OSBP2: variants seen among roughly 807,000 people sequenced by gnomAD.
OSBP2 encodes the protein oxysterol binding protein 2, also known as oxysterol-binding protein 2.
OSBP2 carries 66 observed loss-of-function variants against 96.0 expected under a neutral mutation model. The observed-to-expected ratio is 0.69, with a 90% CI of 0.56 to 0.84. The LOEUF is 0.84. Ranked by LOEUF, OSBP2 falls within the 40% of genes least tolerant of loss-of-function variation. The pLI is 0.00. For missense variants in OSBP2, 1,038 were observed against 1,222.7 expected, an observed-to-expected ratio of 0.85 and a Z score of 2.25; for synonymous variants, 525 against 520.9, an observed-to-expected ratio of 1.01 and a Z score of -0.11.
intron 3 of OSBP2, among the ~76,000 whole-genome samples, chr22:30,886,417 C>T (rs1488722946): frequency 2.0e-5 from 3 of 152,004 alleles, no homozygotes; most frequent in African/African-American, 4.8e-5. Context: ...ATAGTGGCTC[C>T]CCTTGGAGAC....
At chr22:30,814,211 C>T (rs1356609694) in intron 2 of OSBP2, among the ~76,000 whole-genome samples, 1 of 152,060 alleles carries the variant, frequency 6.6e-6, no homozygotes, top group Non-Finnish European at 1.5e-5. Context: ...GTGGCTTAAA[C>T]AACAGAAATT....
rs75580176 is a variant in OSBP2 at position 30,881,030 on chromosome 22, C to G, written c.1108-6396C>G. Among the ~76,000 whole-genome samples the G allele has an allele frequency of 9.8e-3, 1,497 of 152,270 alleles. 30 individuals are homozygous for G. The highest frequency in any genetic ancestry group is 0.035 in the African/African-American group (1,442 of 41,552). ...GGGGCTGCCCCAGGGCGGAGACCCC[C>G]CTTGTCTGTCGAGCTTTGTGGTTCT... is the stretch of plus-strand genomic sequence containing the variant. On this transcript the variant is annotated intron_variant, in intron 3 of 13. Transcript: ENST00000332585. The surrounding 1 kb of genome is among the most constrained non-coding windows in gnomAD (Gnocchi z 4.5).
At chr22:30,714,460 A>G (rs1602159439) in intron 1 of OSBP2, among the ~76,000 whole-genome samples, 1 of 151,756 alleles carries the variant, frequency 6.6e-6, no homozygotes, top group South Asian at 2.1e-4. Context: ...TTACTATCTT[A>G]ACTATTTTTA....
At chr22:30,752,774 G>A (rs1342822954) in intron 2 of OSBP2, among the ~76,000 whole-genome samples, 1 of 152,110 alleles carries the variant, frequency 6.6e-6, no homozygotes, top group East Asian at 1.9e-4. Flanking sequence ...CAGATTTGCA[G>A]GGCCATTTCA....
chr22:30,846,113 A>G (rs1208800141), intron 2 of OSBP2, among the ~76,000 whole-genome samples: 1 of 151,966 alleles, frequency 6.6e-6, no homozygotes, highest in Non-Finnish European at 1.5e-5. Flanking sequence ...ACTGTTTTCT[A>G]AAGTGATCAT....
chr22:30,744,432 C>T (rs2089974687), intron 2 of OSBP2, among the ~76,000 whole-genome samples: 2 of 152,264 alleles, frequency 1.3e-5, no homozygotes, highest in African/African-American at 2.4e-5. Flanking sequence ...AGAACCCTGT[C>T]TCATCCTGCT....
rs981102895 is a variant in OSBP2 at position 30,881,857 on chromosome 22, C to T, written c.1108-5569C>T. The T allele has an allele frequency of 7.7e-7, 1 of 1,293,922 alleles. No homozygotes were observed. Among genetic ancestry groups the T allele is most frequent in the African/African-American group, 1.5e-5 (1 of 65,660 alleles). The allele number at this position is 1,293,922 out of a possible 1,614,324, so 80.2% of individuals were successfully genotyped here. A position where few individuals can be genotyped will look rare whatever the true frequency, so the allele number is the denominator to read the frequency against. Reference sequence around the variant, plus strand: ...CGGGCTCTCTGCATCCATGGGGTGACCAGGCAGCTCATGTGCTGTGGGGGT... The same window carrying T: ...CGGGCTCTCTGCATCCATGGGGTGATCAGGCAGCTCATGTGCTGTGGGGGT... On this transcript the variant is annotated intron_variant, in intron 3 of 13. Transcript: ENST00000332585. The surrounding 1 kb of genome is among the most constrained non-coding windows in gnomAD (Gnocchi z 4.5).
intron 2 of OSBP2, among the ~76,000 whole-genome samples, chr22:30,753,858 A>G (rs949651387): frequency 6.6e-6 from 1 of 152,206 alleles, no homozygotes; most frequent in South Asian, 2.1e-4. Context: ...TGAAGCAAGC[A>G]TGTCCTGTAG....
chr22:30,767,857 C>G lies in OSBP2; in HGVS notation c.853+26488C>G, dbSNP rs187639300. 1.6e-4 allele frequency among the ~76,000 whole-genome samples: 24 copies of G among 152,238 alleles called. 2 individuals are homozygous for G. In the East Asian group the frequency reaches 4.6e-3, roughly 29 times the overall value. ...TGTCTTCTGACCCTTGGCCTCATCA[C>G]GGGCCCTGCAGGGTAAAGGGTGAGG... On this transcript the variant is annotated intron_variant, in intron 2 of 13. Transcript: ENST00000332585.
At position 30,694,992 on chromosome 22, in the gene OSBP2, C is replaced by T. The variant is rs1179336966; in HGVS notation, c.83C>T (p.Pro28Leu). The T allele has an allele frequency of 1.3e-6, 2 of 1,562,654 alleles. No individual in the cohort carries two copies. The highest frequency in any genetic ancestry group is 3.8e-5 in the Admixed American group (2 of 52,628). The stretch of plus-strand genomic sequence containing the variant: ...CTCTCGTCGCTGTTCACGGTTGTCC[C>T]CTGCCTGTCGTGCCACACGGCGGCG... ...RGLSSLFTVV[P>L]CLSCHTAAPG... Residue 28 changes from proline to leucine, a missense_variant, in exon 1 of 14, where the codon CCC becomes CTC. Around this residue, in one of 3 missense-constraint regions of OSBP2, gnomAD observed 281 missense variants for 273.4 expected, o/e 1.03. Coordinates refer to ENST00000332585, the MANE Select transcript of OSBP2 (RefSeq NM_030758.4).
chr22:30,743,592 T>C (rs1043347165), intron 2 of OSBP2, among the ~76,000 whole-genome samples: 1 of 152,202 alleles, frequency 6.6e-6, no homozygotes, highest in South Asian at 2.1e-4. Context: ...CTGTGGCTGC[T>C]GGCACAGCTG....
intron 2 of OSBP2, among the ~76,000 whole-genome samples, chr22:30,814,399 G>T (rs535736944): frequency 6.7e-6 from 1 of 148,344 alleles, no homozygotes; most frequent in South Asian, 2.2e-4. Context: ...GACACCAGTC[G>T]TATGGATTAG....
chr22:30,781,286 T>G (rs2090516089), intron 2 of OSBP2, among the ~76,000 whole-genome samples: 1 of 151,736 alleles, frequency 6.6e-6, no homozygotes, highest in Non-Finnish European at 1.5e-5. Context: ...CCGGCCGATG[T>G]TTTTGTTTTT....
Position 30,907,632 on chromosome 22 carries a change from T to G in OSBP2, c.*1293T>G, listed in dbSNP as rs565606578. The G allele has an allele frequency of 7.0e-6, 1 of 141,944 alleles. No homozygotes were observed. Among genetic ancestry groups the G allele is most frequent in the Admixed American group, 7.1e-5 (1 of 14,184 alleles). The allele number at this position is 141,944 out of a possible 1,614,324, so 8.8% of individuals were successfully genotyped here. On this transcript the variant is annotated 3_prime_UTR_variant, in exon 14 of 14. Transcript: ENST00000332585. ...AGGACTGGTTTTGTTTTTATATATATAAAAAAAAAAAGTGAAAACACCAAT... is the reference window on the plus strand; with the variant it reads ...AGGACTGGTTTTGTTTTTATATATAGAAAAAAAAAAAGTGAAAACACCAAT...
chr22:30,698,739 A>G (rs1569086746), intron 1 of OSBP2, among the ~76,000 whole-genome samples: 1 of 150,984 alleles, frequency 6.6e-6, no homozygotes, highest in South Asian at 2.1e-4. Flanking sequence ...CACCTGGCCA[A>G]CTTTTTAACT....
At chr22:30,775,655 A>C (rs1277751060) in intron 2 of OSBP2, among the ~76,000 whole-genome samples, 2 of 152,090 alleles carry the variant, frequency 1.3e-5, no homozygotes, top group African/African-American at 2.4e-5. Flanking sequence ...TAAATTCAAG[A>C]CCACGATCCT....
chr22:30,896,247 T>C (rs1231079070), intron 12 of OSBP2, among the ~76,000 whole-genome samples: 1 of 152,094 alleles, frequency 6.6e-6, no homozygotes, highest in East Asian at 1.9e-4. Context: ...CTTGAACTCC[T>C]GACCTCAAGT....
chr22:30,708,537 G>T, intron 1 of OSBP2, among the ~76,000 whole-genome samples: 1 of 118,714 alleles, frequency 8.4e-6, no homozygotes. Flanking sequence ...CACCCAGTCT[G>T]GAGTGCAATG....
At chr22:30,849,675 G>T (rs2038940629) in intron 2 of OSBP2, among the ~76,000 whole-genome samples, 1 of 151,964 alleles carries the variant, frequency 6.6e-6, no homozygotes, top group Non-Finnish European at 1.5e-5. Flanking sequence ...CTTCTCCTGT[G>T]GTTTACCTTT....
Sources: gnomAD v4.1 joint callset for allele counts (sites outside exome capture counted in the v4.1 genomes callset) on GRCh38, gnomAD v4.1.1 for gene constraint, gnomAD v4.1.1 regional missense constraint, Gnocchi (gnomAD v3.1) non-coding constraint, MANE v1.5 for transcripts, NCBI Gene and HGNC (gene_info 2026-07-23, HGNC 2026-07-21) for gene names.